RARB: variants seen among roughly 807,000 people sequenced by gnomAD.
RARB encodes HBV-activated protein.
A neutral mutation model predicts 51.9 loss-of-function variants in RARB; 17 were observed. That is an observed-to-expected ratio of 0.33 (90% CI 0.22 to 0.49). The LOEUF is 0.49. Among genes scored for constraint, RARB ranks in the 20% least tolerant of loss-of-function variants. RARB has a pLI of 0.99. For missense variants in RARB, 369 were observed against 550.8 expected, an observed-to-expected ratio of 0.67 and a Z score of 3.30; for synonymous variants, 215 against 195.4, an observed-to-expected ratio of 1.10 and a Z score of -0.84.
chr3:25,415,736 CT>C (rs1436632045), intron 5 of RARB, among the ~76,000 whole-genome samples: 1 of 152,210 alleles, frequency 6.6e-6, no homozygotes, highest in African/African-American at 2.4e-5. Context: ...TCTCTTCCAA[CT>C]TTAAATTTCT....
At chr3:24,830,014 A>G (rs6550919) in intron 1 of RARB, among the ~76,000 whole-genome samples, 127,873 of 152,122 alleles carry the variant, frequency 0.84, 53,836 homozygotes, top group South Asian at 0.91. Flanking sequence ...GGCTGGGCCT[A>G]GGGAGCGGGT....
rs140209182 is a variant in RARB, at chr3:25,570,871, G to A, written c.609+953G>A. On this transcript the variant is annotated intron_variant, in intron 4 of 7. Transcript: ENST00000330688. ...AAATATTGTAGCACTTGCTGGCTTG[G>A]TGAATGGTGTTCTAGAAAAATGATA... Among the ~76,000 whole-genome samples, 8 of 152,190 alleles carry A rather than the reference G, an allele frequency of 5.3e-5. No homozygotes were observed. In the East Asian group the frequency reaches 1.5e-3, roughly 29 times the overall value.
chr3:25,058,650 G>T (rs2125302933), intron 2 of RARB, among the ~76,000 whole-genome samples: 1 of 151,818 alleles, frequency 6.6e-6, no homozygotes, highest in East Asian at 1.9e-4. Flanking sequence ...GAGTGGGGTA[G>T]ATGATCTAAT....
At chr3:25,071,732 C>T (rs547650573) in intron 3 of RARB, among the ~76,000 whole-genome samples, 77 of 152,252 alleles carry the variant, frequency 5.1e-4, no homozygotes, top group African/African-American at 1.3e-3. Context: ...GGAGAAATTC[C>T]GGCCTTATGG....
At chr3:25,056,514 T>C (rs1344289637) in intron 2 of RARB, among the ~76,000 whole-genome samples, 1 of 152,032 alleles carries the variant, frequency 6.6e-6, no homozygotes, top group Non-Finnish European at 1.5e-5. Context: ...AGAAAGCAAA[T>C]ATAAAAGGAG....
intron 5 of RARB, among the ~76,000 whole-genome samples, chr3:25,253,284 G>A (rs997829255): frequency 7.2e-5 from 11 of 152,054 alleles, no homozygotes; most frequent in African/African-American, 2.4e-4. Context: ...GGGCTGAGTT[G>A]TACATCCGTA....
chr3:25,017,814 C>G (rs1199599890), intron 2 of RARB, among the ~76,000 whole-genome samples: 1 of 152,136 alleles, frequency 6.6e-6, no homozygotes, highest in Non-Finnish European at 1.5e-5. Flanking sequence ...TGCTTTCCCC[C>G]TACAAATTCA....
At chr3:25,021,538 G>A (rs996780829) in intron 2 of RARB, among the ~76,000 whole-genome samples, 2 of 152,074 alleles carry the variant, frequency 1.3e-5, no homozygotes, top group African/African-American at 4.8e-5. Context: ...GAGTCCTTCA[G>A]GGCAGTGGTT....
chr3:25,358,661 C>T (rs1180085959), intron 5 of RARB, among the ~76,000 whole-genome samples: 3 of 152,062 alleles, frequency 2.0e-5, no homozygotes, highest in African/African-American at 7.2e-5. Context: ...CCATCAATAC[C>T]TAGTTTATTG....
chr3:25,449,049 G>C (rs1034497129), intron 1 of RARB, among the ~76,000 whole-genome samples: 2 of 152,030 alleles, frequency 1.3e-5, no homozygotes, highest in Non-Finnish European at 2.9e-5. Flanking sequence ...GAGTATATGT[G>C]GCCTTCAGGT....
chr3:25,407,252 A>T (rs1306083182), intron 5 of RARB, among the ~76,000 whole-genome samples: 1 of 152,184 alleles, frequency 6.6e-6, no homozygotes, highest in Non-Finnish European at 1.5e-5. Context: ...AAACAAACAG[A>T]CGGGGGTACT....
In RARB at chr3:25,143,757, G is replaced by T. The variant is rs972031220; in HGVS notation, c.-280+11549G>T. On this transcript the variant is annotated intron_variant, in intron 4 of 11. Coordinates refer to the RARB transcript ENST00000383772. ...CTGCTTGAGTTCAAATGCTGCCCTG[G>T]CCCTTGGAGTTACGTGACTTGAAGC... Among the ~76,000 whole-genome samples, 3 of 152,266 alleles carry T rather than the reference G, an allele frequency of 2.0e-5. No individual in the cohort carries two copies. In the South Asian group the frequency reaches 6.2e-4, roughly 32 times the overall value.
intron 5 of RARB, among the ~76,000 whole-genome samples, chr3:25,321,065 A>G (rs151190533): frequency 1.6e-3 from 240 of 152,320 alleles, no homozygotes; most frequent in African/African-American, 5.7e-3. Flanking sequence ...TCCAAGTGGT[A>G]TAACCCCGGT....
chr3:25,210,322 T>G (rs1701660841), intron 5 of RARB, among the ~76,000 whole-genome samples: 1 of 151,936 alleles, frequency 6.6e-6, no homozygotes, highest in Non-Finnish European at 1.5e-5. Flanking sequence ...AATTTATAGG[T>G]TAGGAGTATC....
At chr3:25,310,782 G>A (rs1043087434) in intron 5 of RARB, among the ~76,000 whole-genome samples, 2 of 152,120 alleles carry the variant, frequency 1.3e-5, no homozygotes, top group African/African-American at 2.4e-5. Flanking sequence ...CTCCTTGAAT[G>A]TTTTTGGAAA....
chr3:25,505,833 C>T (rs1394428076), intron 3 of RARB, among the ~76,000 whole-genome samples: 1 of 151,002 alleles, frequency 6.6e-6, no homozygotes, highest in Admixed American at 6.6e-5. Context: ...TGTGGCAAAG[C>T]CCTGAAATAA....
intron 2 of RARB, among the ~76,000 whole-genome samples, chr3:25,032,863 G>C (rs976412013): frequency 6.6e-6 from 1 of 152,114 alleles, no homozygotes; most frequent in African/African-American, 2.4e-5. Context: ...TGTTGTGGTA[G>C]CAATGTTTAT....
At chr3:24,893,859 T>G (rs1703432449) in intron 2 of RARB, among the ~76,000 whole-genome samples, 1 of 152,110 alleles carries the variant, frequency 6.6e-6, no homozygotes, top group Non-Finnish European at 1.5e-5. Flanking sequence ...TCATGTGCAT[T>G]TTCTAGGAGG....
At chr3:25,040,238 C>A (rs1047622447) in intron 2 of RARB, among the ~76,000 whole-genome samples, 1 of 152,148 alleles carries the variant, frequency 6.6e-6, no homozygotes, top group Non-Finnish European at 1.5e-5. Flanking sequence ...GGAAAGGAGA[C>A]CTGCTATTCA....
Sources: allele counts gnomAD v4.1 joint callset (sites outside exome capture counted in the v4.1 genomes callset), GRCh38; gene constraint gnomAD v4.1.1; transcripts MANE v1.5; gene names NCBI Gene and HGNC (gene_info 2026-07-23, HGNC 2026-07-21).